The following ST6GALNAC1 variants were observed in gnomAD, a reference collection of about 807,000 sequenced individuals.
The protein encoded by ST6GALNAC1 is alpha-N-acetylgalactosaminide alpha-2,6-sialyltransferase 1.
In ST6GALNAC1, 45 loss-of-function variants were observed where a neutral mutation model predicts 56.8. That is an observed-to-expected ratio of 0.79 (90% CI 0.62 to 1.02). The LOEUF (loss-of-function observed/expected upper bound fraction) is 1.02, where lower values mean the gene tolerates loss of function less well. Ranked by LOEUF, ST6GALNAC1 falls within the 50% of genes least tolerant of loss-of-function variation. The probability of loss-of-function intolerance (pLI) is 0.00; values close to 1 mark genes in which losing one functional copy is unlikely to be tolerated. For missense variants in ST6GALNAC1, 743 were observed against 754.8 expected, an observed-to-expected ratio of 0.98 and a Z score of 0.18; for synonymous variants, 295 against 297.8, an observed-to-expected ratio of 0.99 and a Z score of 0.10.
At chr17:76,638,434 T>G (rs2076004920) in intron 1 of ST6GALNAC1, among the ~76,000 whole-genome samples, 1 of 152,090 alleles carries the variant, frequency 6.6e-6, no homozygotes, top group African/African-American at 2.4e-5. Context: ...TGGAGTGCAG[T>G]AGAGCAATCT....
In ST6GALNAC1 at chr17:76,627,337, G is replaced by A; in HGVS notation, c.1000+78C>T. On this transcript the variant is annotated intron_variant, in intron 3 of 8. Coordinates refer to ENST00000156626, the MANE Select transcript of ST6GALNAC1 (RefSeq NM_018414.5). This position sits in a 1 kb window ranked among gnomAD's most constrained non-coding sequence, Gnocchi z 4.4. ...TCTGGCAAACCCCAGGGAAGAGGCA[G>A]ACCAGAAAGCCAGCTGCCCTCTGCC... 1 of 1,579,644 alleles carries A rather than the reference G, an allele frequency of 6.3e-7. No homozygotes were observed. Among genetic ancestry groups the A allele is most frequent in the Non-Finnish European group, 8.6e-7 (1 of 1,161,718 alleles).
At chr17:76,631,486 A>C (rs1163462192) in intron 1 of ST6GALNAC1, among the ~76,000 whole-genome samples, 1 of 152,206 alleles carries the variant, frequency 6.6e-6, no homozygotes, top group Non-Finnish European at 1.5e-5. Context: ...AAGAATAGAA[A>C]GTGTTTCAAG....
In ST6GALNAC1 at chr17:76,628,239, TCTCC is replaced by T. The variant is rs1219647855; in HGVS notation, c.832-660_832-657del. Among the ~76,000 whole-genome samples, 89 of 61,762 alleles carry T rather than the reference TCTCC, an allele frequency of 1.4e-3. 1 individual carries two copies. Among genetic ancestry groups the T allele is most frequent in the East Asian group, 4.8e-3 (9 of 1,884 alleles). The allele number at this position is 61,762 out of a possible 152,430, so 40.5% of individuals were successfully genotyped here. On this transcript the variant is annotated intron_variant, in intron 2 of 8. Coordinates refer to ENST00000156626, the MANE Select transcript of ST6GALNAC1 (RefSeq NM_018414.5). Reference sequence around the variant, plus strand: ...GTAAATGTGTGCATTTTATGGGCCTTCTCCCTCCCTCCCTCCCTCCCTCCCTCCC... The same window carrying T: ...GTAAATGTGTGCATTTTATGGGCCTTCTCCCTCCCTCCCTCCCTCCCTCCC...
Position 76,625,269 on chromosome 17 carries a change from G to C in ST6GALNAC1, c.*61C>G. On this transcript the variant is annotated 3_prime_UTR_variant, in exon 9 of 9. Transcript: ENST00000156626. ...ATGGGAAATGGCCAAAGAGTCTCAAGATTCCCACTGTATCCTGTGCCTTGG... is the reference window on the plus strand; with the variant it reads ...ATGGGAAATGGCCAAAGAGTCTCAACATTCCCACTGTATCCTGTGCCTTGG... The C allele has an allele frequency of 1.3e-6, 2 of 1,559,802 alleles. No individual in the cohort carries two copies. The highest frequency in any genetic ancestry group is 8.7e-7 in the Non-Finnish European group (1 of 1,146,842).
chr17:76,626,366 T>C lies in ST6GALNAC1; in HGVS notation c.1338A>G (p.Glu446=). The change falls in exon 6 of 9, where the codon GAA becomes GAG. Residue 446 remains glutamate (E), a synonymous_variant. Coordinates refer to ENST00000156626, the MANE Select transcript of ST6GALNAC1 (RefSeq NM_018414.5). ...GKDVRYLHFL[E]GTRDYEWLEA... ...CCAGCCACTCATAGTCCCGGGTGCCTTCCAGGAAGTGCAAGTAGCGGACGT... is the reference window on the plus strand; with the variant it reads ...CCAGCCACTCATAGTCCCGGGTGCCCTCCAGGAAGTGCAAGTAGCGGACGT... 6.2e-7 allele frequency: 1 copy of C among 1,614,132 alleles called. No homozygotes were observed. The highest frequency in any genetic ancestry group is 8.5e-7 in the Non-Finnish European group (1 of 1,180,020).
chr17:76,624,483 C>G (rs2075770327), downstream of ST6GALNAC1, among the ~76,000 whole-genome samples: 1 of 152,158 alleles, frequency 6.6e-6, no homozygotes, highest in South Asian at 2.1e-4. Context: ...CTCCTGTCCT[C>G]AAGTGATCTG....
chr17:76,638,308 A>G (rs1174767594), intron 1 of ST6GALNAC1, among the ~76,000 whole-genome samples: 2 of 152,154 alleles, frequency 1.3e-5, no homozygotes, highest in Non-Finnish European at 2.9e-5. Flanking sequence ...CACTGAACAA[A>G]TGATGCACGT....
At chr17:76,622,357 A>G (rs751266867), downstream of ST6GALNAC1, among the ~76,000 whole-genome samples, 16 of 151,604 alleles carry the variant, frequency 1.1e-4, no homozygotes, top group Admixed American at 2.6e-4. Flanking sequence ...TCACCATGCA[A>G]CATTTTATTA....
chr17:76,632,962 T>C (rs2075925440), intron 1 of ST6GALNAC1, among the ~76,000 whole-genome samples: 1 of 152,182 alleles, frequency 6.6e-6, no homozygotes, highest in African/African-American at 2.4e-5. Flanking sequence ...AGCCAGCATT[T>C]TGGGAGGCCG....
chr17:76,642,129 A>G, intron 1 of ST6GALNAC1, among the ~76,000 whole-genome samples: 1 of 151,844 alleles, frequency 6.6e-6, no homozygotes, highest in Admixed American at 6.6e-5. Context: ...ATATCTCCAT[A>G]CTATATATAG....
At chr17:76,635,870 C>T (rs1194766846) in intron 1 of ST6GALNAC1, among the ~76,000 whole-genome samples, 1 of 152,060 alleles carries the variant, frequency 6.6e-6, no homozygotes, top group Non-Finnish European at 1.5e-5. Flanking sequence ...TAAGCAGCTG[C>T]CTTAAAGTGT....
At chr17:76,641,511 C>T (rs934155987) in intron 1 of ST6GALNAC1, among the ~76,000 whole-genome samples, 2 of 152,128 alleles carry the variant, frequency 1.3e-5, no homozygotes, top group Admixed American at 1.3e-4. Context: ...TTAAGATTCT[C>T]AATACATCAG....
At chr17:76,621,085 TCA>T (rs1332419891), downstream of ST6GALNAC1, among the ~76,000 whole-genome samples, 1 of 152,136 alleles carries the variant, frequency 6.6e-6, no homozygotes, top group Non-Finnish European at 1.5e-5. Context: ...TTTCAACCAG[TCA>T]CAGACTGTAA....
chr17:76,620,895 G>A (rs2075733402), downstream of ST6GALNAC1, among the ~76,000 whole-genome samples: 1 of 151,872 alleles, frequency 6.6e-6, no homozygotes, highest in African/African-American at 2.4e-5. Flanking sequence ...ATGCCTGGTC[G>A]CATATTTCTT....
downstream of ST6GALNAC1, among the ~76,000 whole-genome samples, chr17:76,620,810 G>A (rs551859151): frequency 2.9e-4 from 44 of 151,932 alleles, no homozygotes; most frequent in African/African-American, 1.0e-3. Context: ...GGTCAAGCTG[G>A]TCTTGAACTC....
At chr17:76,620,827 C>G (rs2143394812), downstream of ST6GALNAC1, among the ~76,000 whole-genome samples, 1 of 151,760 alleles carries the variant, frequency 6.6e-6, no homozygotes, top group South Asian at 2.1e-4. Context: ...ACTCCTAACC[C>G]CAAGTGATCC....
At position 76,637,272 on chromosome 17, in the gene ST6GALNAC1, TA is replaced by T. The variant is rs771644279; in HGVS notation, c.131+6235del. Among the ~76,000 whole-genome samples the T allele has an allele frequency of 7.8e-3, 142 of 18,188 alleles. 1 individual carries two copies. The highest frequency in any genetic ancestry group is 0.061 in the South Asian group (14 of 230). 11.9% of individuals were successfully genotyped at this position (18,188 alleles called of 152,430 possible). A position where few individuals can be genotyped will look rare whatever the true frequency, so the allele number is the denominator to read the frequency against. ...ACACCCAAGAATGATCAATAAATACTAAAAAAAAAAAAAAAAAAAAAAAAAG... is the reference window on the plus strand; with the variant it reads ...ACACCCAAGAATGATCAATAAATACTAAAAAAAAAAAAAAAAAAAAAAAAG... On this transcript the variant is annotated intron_variant, in intron 1 of 8. Coordinates refer to ENST00000156626, the MANE Select transcript of ST6GALNAC1 (RefSeq NM_018414.5).
Position 76,627,225 on chromosome 17 carries a change from G to A in ST6GALNAC1, c.1014C>T (p.Val338=), listed in dbSNP as rs760853912. The A allele has an allele frequency of 2.7e-5, 42 of 1,571,860 alleles. No individual in the cohort carries two copies. Among genetic ancestry groups the A allele is most frequent in the South Asian group, 7.2e-5 (6 of 83,284 alleles). Residue 338 remains valine, a synonymous_variant, in exon 4 of 9, where the codon GTC becomes GTT. Transcript: ENST00000156626. The surrounding 1 kb of genome is among the most constrained non-coding windows in gnomAD (Gnocchi z 4.4). ...GGGGCACTGGAGGGAAGCGTGTCAC[G>A]ACCTTCTGCACCACTGGAACAAGAG... ...MELNYSLVQK[V]VTRFPPVPQQ...
At chr17:76,624,160 T>TA (rs757044501), downstream of ST6GALNAC1, among the ~76,000 whole-genome samples, 5 of 152,344 alleles carry the variant, frequency 3.3e-5, no homozygotes, top group South Asian at 1.0e-3. Context: ...CCATGAAATC[T>TA]AAAGCGAAGC....
Sources: allele counts gnomAD v4.1 joint callset (sites outside exome capture counted in the v4.1 genomes callset), GRCh38; gene constraint gnomAD v4.1.1; non-coding constraint Gnocchi (gnomAD v3.1); transcripts MANE v1.5; gene names NCBI Gene and HGNC (gene_info 2026-07-23, HGNC 2026-07-21).